Variants in KLF13 observed in about 807,000 individuals in gnomAD.
KLF13 encodes the protein KLF transcription factor 13, also known as Krueppel-like factor 13.
A neutral mutation model predicts 16.7 loss-of-function variants in KLF13; 8 were observed. The observed-to-expected ratio is 0.48, with a 90% confidence interval of 0.28 to 0.87. KLF13 has a LOEUF of 0.87. Among genes scored for constraint, KLF13 ranks in the 40% least tolerant of loss-of-function variants. KLF13 has a pLI of 0.10. For synonymous variants in KLF13, 245 were observed against 208.4 expected (o/e 1.18, Z -1.51); for missense variants, 447 against 452.2 (o/e 0.99, Z 0.10).
At chr15:31,347,935 G>A (rs2039151282) in intron 1 of KLF13, among the ~76,000 whole-genome samples, 1 of 152,274 alleles carries the variant, frequency 6.6e-6, no homozygotes, top group Admixed American at 6.5e-5. Flanking sequence ...ACACGAGGAA[G>A]AGAGCTGCGC....
At chr15:31,414,111 T>A (rs979126293) in intron 1 of KLF13, among the ~76,000 whole-genome samples, 4 of 152,146 alleles carry the variant, frequency 2.6e-5, no homozygotes, top group Non-Finnish European at 5.9e-5. Context: ...TGTATAGGAA[T>A]AGTGTTCTTA....
upstream of KLF13, among the ~76,000 whole-genome samples, chr15:31,392,446 T>G (rs1040090390): frequency 1.3e-5 from 2 of 152,134 alleles, no homozygotes; most frequent in African/African-American, 4.8e-5. Flanking sequence ...CCTCCTGATG[T>G]GGCCCCGCCC....
chr15:31,328,190 G>T (rs1413185426), intron 1 of KLF13, among the ~76,000 whole-genome samples: 1 of 150,248 alleles, frequency 6.7e-6, no homozygotes, highest in Admixed American at 6.6e-5. Flanking sequence ...GCGGGGGCAG[G>T]GGACGCTCTC....
chr15:31,433,509 C>G (rs144139110), intron 1 of KLF13, among the ~76,000 whole-genome samples: 3 of 152,188 alleles, frequency 2.0e-5, no homozygotes, highest in South Asian at 4.1e-4. Flanking sequence ...AGGGTCCCCC[C>G]CTTCCCCAGT....
At chr15:31,369,316 G>A (rs1431618085) in intron 1 of KLF13, among the ~76,000 whole-genome samples, 1 of 152,220 alleles carries the variant, frequency 6.6e-6, no homozygotes, top group Non-Finnish European at 1.5e-5. Context: ...CCACAACTGT[G>A]TAAAGTTTGC....
intron 1 of KLF13, among the ~76,000 whole-genome samples, chr15:31,364,090 C>G (rs2039427108): frequency 1.9e-5 from 1 of 52,220 alleles, no homozygotes; most frequent in Non-Finnish European, 4.9e-5. Flanking sequence ...GGCCAGTGAT[C>G]AGCTTACGAA....
intron 1 of KLF13, among the ~76,000 whole-genome samples, chr15:31,413,023 T>G (rs1467877013): frequency 6.6e-6 from 1 of 152,132 alleles, no homozygotes; most frequent in Admixed American, 6.5e-5. Context: ...ATCGGATGTC[T>G]TTGCAGAGGC....
chr15:31,371,407 G>A (rs565512787), intron 1 of KLF13, among the ~76,000 whole-genome samples: 7 of 152,356 alleles, frequency 4.6e-5, no homozygotes, highest in East Asian at 1.9e-4. Flanking sequence ...TCTGCCAGCC[G>A]TCCCTGGTTG....
At chr15:31,408,531 C>A (rs554730586), downstream of KLF13, among the ~76,000 whole-genome samples, 141 of 152,290 alleles carry the variant, frequency 9.3e-4, no homozygotes, top group African/African-American at 3.3e-3. Flanking sequence ...ATGAGAATAA[C>A]CATTGCAATG....
intron 1 of KLF13, chr15:31,339,914 T>G (rs1386535135): frequency 1.9e-5 from 13 of 701,812 alleles, no homozygotes; most frequent in Non-Finnish European, 3.4e-5. Flanking sequence ...TCACCTTGGA[T>G]TTCACTGGGC....
chr15:31,327,506 G>T lies in KLF13; in HGVS notation c.294G>T (p.Leu98=). 2 of 1,138,578 alleles carry T rather than the reference G, an allele frequency of 1.8e-6. No individual in the cohort carries two copies. The highest frequency in any genetic ancestry group is 2.1e-6 in the Non-Finnish European group (2 of 930,320). The allele number at this position is 1,138,578 out of a possible 1,614,324, so 70.5% of individuals were successfully genotyped here. Residue 98 remains leucine, a synonymous_variant, in exon 1 of 2, where the codon CTG becomes CTT. Transcript: ENST00000307145. The part of the protein sequence containing the change: ...AARKARTPCR[L]PPPAPEPTSP... The stretch of plus-strand genomic sequence containing the variant: ...GGAAGGCGAGGACCCCCTGCCGCCT[G>T]CCGCCGCCCGCCCCCGAGCCCACCT...
chr15:31,363,657 T>C (rs2039421959), intron 1 of KLF13, among the ~76,000 whole-genome samples: 1 of 152,168 alleles, frequency 6.6e-6, no homozygotes, highest in African/African-American at 2.4e-5. Context: ...CGGCTGATTT[T>C]GTATTTTTAG....
At chr15:31,369,969 C>T (rs1188979233) in intron 1 of KLF13, among the ~76,000 whole-genome samples, 1 of 151,928 alleles carries the variant, frequency 6.6e-6, no homozygotes, top group East Asian at 1.9e-4. Context: ...GAGCTTCTCG[C>T]AGCAGAGGTC....
rs542188331 is a variant in KLF13, at chr15:31,396,955, G to A, written n.529+3264G>A. On this transcript the variant is annotated intron_variant and non_coding_transcript_variant, in intron 2 of 2. Transcript: ENST00000500533. ...AGGAATGAACAAGGACAGCTTGGAG[G>A]TTAGAAGCAAGATGGAGTTAGTTAA... is the stretch of plus-strand genomic sequence containing the variant. Among the ~76,000 whole-genome samples, 408 of 152,184 alleles carry A rather than the reference G, an allele frequency of 2.7e-3. 3 individuals carry two copies. The highest frequency in any genetic ancestry group is 3.1e-3 in the Non-Finnish European group (209 of 68,020).
Position 31,372,010 on chromosome 15 carries a change from G to A in KLF13, c.578G>A (p.Gly193Asp). The part of the protein sequence containing the change: ...HLKAHLRTHT[G>D]ERPFACSWQD... The stretch of plus-strand genomic sequence containing the variant: ...TGATGCTCTGCCCCTGTGCCCACAG[G>A]TGAGAGGCCCTTCGCCTGCAGCTGG... Residue 193 changes from glycine (G) to aspartate (D), a missense_variant and splice_region_variant, in exon 2 of 2, where the codon GGT (glycine) becomes GAT (aspartate). By Grantham distance (94) the Gly-to-Asp change is moderately conservative. Around this residue, in one of 2 missense-constraint regions of KLF13, gnomAD observed 88 missense variants for 169.5 expected, o/e 0.52. Transcript: ENST00000307145. The A allele has an allele frequency of 6.2e-7, 1 of 1,601,098 alleles. No individual in the cohort carries two copies. The highest frequency in any genetic ancestry group is 8.5e-7 in the Non-Finnish European group (1 of 1,174,446).
chr15:31,330,000 C>T (rs1400681042), intron 1 of KLF13, among the ~76,000 whole-genome samples: 3 of 152,164 alleles, frequency 2.0e-5, no homozygotes, highest in African/African-American at 7.2e-5. Context: ...TGCCCAGAAA[C>T]CTGCCTCTGG....
intron 1 of KLF13, among the ~76,000 whole-genome samples, chr15:31,333,758 C>T (rs977067638): frequency 2.6e-5 from 4 of 152,052 alleles, no homozygotes; most frequent in Non-Finnish European, 2.9e-5. Context: ...CTCTAGTTTC[C>T]CTTAGTTTAG....
chr15:31,394,324 A>T (rs1171951630), intron 2 of KLF13, among the ~76,000 whole-genome samples: 1 of 151,772 alleles, frequency 6.6e-6, no homozygotes, highest in Non-Finnish European at 1.5e-5. Flanking sequence ...AAAAAAAAAT[A>T]CAAAAACAAA....
downstream of KLF13, among the ~76,000 whole-genome samples, chr15:31,382,894 A>G (rs2039744868): frequency 6.6e-6 from 1 of 152,214 alleles, no homozygotes; most frequent in Admixed American, 6.5e-5. Flanking sequence ...TTACAAGCAC[A>G]TGATAGGCCC....
Sources: gnomAD v4.1 joint callset for allele counts (sites outside exome capture counted in the v4.1 genomes callset) on GRCh38, gnomAD v4.1.1 for gene constraint, gnomAD v4.1.1 regional missense constraint, MANE v1.5 for transcripts, NCBI Gene and HGNC (gene_info 2026-07-23, HGNC 2026-07-21) for gene names.